HACD2: variants seen among roughly 807,000 people sequenced by gnomAD.
HACD2 encodes 3-hydroxyacyl-CoA dehydratase 2, also known as very-long-chain (3R)-3-hydroxyacyl-CoA dehydratase 2.
HACD2 carries 15 observed loss-of-function variants against 31.0 expected under a neutral mutation model. The ratio of observed to expected loss-of-function variants is 0.48; its 90% CI spans 0.32 to 0.75. The LOEUF is 0.75. HACD2 is among the 30% of genes least tolerant of loss of function. The pLI, the probability that HACD2 is intolerant of heterozygous loss-of-function variation, is 0.03. For missense variants in HACD2, 283 were observed against 313.0 expected (o/e 0.90, Z 0.72); for synonymous variants, 115 against 122.2 (o/e 0.94, Z 0.39).
chr3:123,581,424 G>A (rs928879330), intron 2 of HACD2, among the ~76,000 whole-genome samples: 7 of 152,144 alleles, frequency 4.6e-5, no homozygotes, highest in Non-Finnish European at 1.0e-4. Flanking sequence ...AGTCTAAGTA[G>A]GGCCAACCAG....
At chr3:123,580,360 C>T (rs999156538) in intron 2 of HACD2, among the ~76,000 whole-genome samples, 4 of 152,058 alleles carry the variant, frequency 2.6e-5, no homozygotes, top group Non-Finnish European at 5.9e-5. Context: ...CCTGTGGTCC[C>T]AGCTACTTGG....
intron 4 of HACD2, among the ~76,000 whole-genome samples, chr3:123,505,194 T>C (rs1036559409): frequency 4.6e-5 from 7 of 152,226 alleles, no homozygotes; most frequent in Non-Finnish European, 8.8e-5. Flanking sequence ...TCTACTCATA[T>C]GTGGTACCTA....
At chr3:123,500,397 T>C (rs1576726276) in intron 6 of HACD2, 118 bp downstream of exon 6, 1 of 699,630 alleles carries the variant, frequency 1.4e-6, no homozygotes, top group South Asian at 2.4e-5. Context: ...AACCAAGAAT[T>C]CCCAATAAAT....
intron 3 of HACD2, among the ~76,000 whole-genome samples, chr3:123,543,371 C>T (rs779081842): frequency 5.9e-5 from 9 of 151,842 alleles, no homozygotes; most frequent in Non-Finnish European, 1.0e-4. Context: ...TAGAGGATTC[C>T]GGGAAACCAA....
chr3:123,512,593 G>T (rs2056077493), intron 4 of HACD2, among the ~76,000 whole-genome samples: 1 of 152,106 alleles, frequency 6.6e-6, no homozygotes. Context: ...TGGAAGAGAT[G>T]GCCAGTGTGG....
intron 4 of HACD2, among the ~76,000 whole-genome samples, chr3:123,514,257 C>A (rs1179696389): frequency 6.6e-6 from 1 of 151,944 alleles, no homozygotes; most frequent in African/African-American, 2.4e-5. Context: ...CCTGGGGCAC[C>A]AGAGTGAGAC....
At chr3:123,552,154 C>T (rs2056626482) in intron 3 of HACD2, among the ~76,000 whole-genome samples, 1 of 151,994 alleles carries the variant, frequency 6.6e-6, no homozygotes, top group African/African-American at 2.4e-5. Context: ...GACAGTCTAC[C>T]CTAATTATAA....
intron 3 of HACD2, among the ~76,000 whole-genome samples, chr3:123,530,917 GA>G (rs2056352905): frequency 6.6e-6 from 1 of 152,078 alleles, no homozygotes; most frequent in Non-Finnish European, 1.5e-5. Flanking sequence ...GCCCAGGCTG[GA>G]GTGCAATGGC....
At chr3:123,548,255 TGCA>T (rs1272125932) in intron 3 of HACD2, among the ~76,000 whole-genome samples, 8 of 152,182 alleles carry the variant, frequency 5.3e-5, no homozygotes, top group African/African-American at 1.9e-4. Context: ...TAAAATGCAC[TGCA>T]GCTTCCTCCT....
At chr3:123,522,180 G>T (rs2056224083) in intron 4 of HACD2, among the ~76,000 whole-genome samples, 1 of 151,940 alleles carries the variant, frequency 6.6e-6, no homozygotes, top group Non-Finnish European at 1.5e-5. Flanking sequence ...TTAGCTGAGT[G>T]TGGTGGTGTG....
At chr3:123,528,588 C>G (rs2056313610) in intron 3 of HACD2, 114 bp from the exon 4 acceptor site, 2 of 682,504 alleles carry the variant, frequency 2.9e-6, no homozygotes, top group Non-Finnish European at 5.2e-6. Flanking sequence ...TCTTGAGCAA[C>G]TGAAAGGTGT....
intron 3 of HACD2, among the ~76,000 whole-genome samples, chr3:123,533,221 T>C (rs1023934724): frequency 2.1e-5 from 3 of 143,298 alleles, no homozygotes; most frequent in African/African-American, 7.6e-5. Flanking sequence ...CAATCATGGC[T>C]CACTGCAGCC....
At chr3:123,525,379 G>A (rs2056267953) in intron 4 of HACD2, among the ~76,000 whole-genome samples, 1 of 152,144 alleles carries the variant, frequency 6.6e-6, no homozygotes. Flanking sequence ...TAGCTGATGG[G>A]TAGATCCTTA....
intron 5 of HACD2, among the ~76,000 whole-genome samples, chr3:123,501,998 G>T (rs2055908046): frequency 6.6e-6 from 1 of 152,156 alleles, no homozygotes; most frequent in Non-Finnish European, 1.5e-5. Context: ...ACTGTCTCAT[G>T]GACTCATTAA....
In HACD2 at chr3:123,492,777, T is replaced by C. The variant is rs1296508347; in HGVS notation, c.*2111A>G. The C allele has an allele frequency of 6.6e-6, 1 of 152,176 alleles. No individual in the cohort carries two copies. The highest frequency in any genetic ancestry group is 1.5e-5 in the Non-Finnish European group (1 of 68,022). 9.4% of individuals were successfully genotyped at this position (152,176 alleles called of 1,614,324 possible). On this transcript the variant is annotated 3_prime_UTR_variant, in exon 7 of 7. Coordinates refer to ENST00000383657, the MANE Select transcript of HACD2 (RefSeq NM_198402.5). ...TTTCTAGAATTTTTCCAAAAACAAC[T>C]GAAAAAATCTAACAGAACAAAGTAA...
intron 6 of HACD2, among the ~76,000 whole-genome samples, chr3:123,496,947 T>C (rs2055840579): frequency 1.3e-5 from 2 of 152,206 alleles, no homozygotes; most frequent in Admixed American, 6.5e-5. Context: ...GACCTTCATT[T>C]CCATGGGCAG....
intron 3 of HACD2, among the ~76,000 whole-genome samples, chr3:123,535,174 T>C (rs1453406527): frequency 1.3e-5 from 2 of 152,232 alleles, no homozygotes; most frequent in Non-Finnish European, 2.9e-5. Context: ...GCTCCATTCA[T>C]GGTAAGTGCC....
In HACD2 at chr3:123,493,177, ACC is replaced by A. The variant is rs2055785298; in HGVS notation, c.*1709_*1710del. 6.6e-6 allele frequency: 1 copy of A among 152,098 alleles called. No homozygotes were observed. Among genetic ancestry groups the A allele is most frequent in the Admixed American group, 6.6e-5 (1 of 15,264 alleles). 9.4% of individuals were successfully genotyped at this position (152,098 alleles called of 1,614,324 possible). Reference sequence around the variant, plus strand: ...AGACCATCCTGGCTAACACGGTGAAACCCCGTCTCTACTAAAAATACAAAAAA... The same window carrying A: ...AGACCATCCTGGCTAACACGGTGAAACCGTCTCTACTAAAAATACAAAAAA... On this transcript the variant is annotated 3_prime_UTR_variant, in exon 7 of 7. Coordinates refer to ENST00000383657, the MANE Select transcript of HACD2 (RefSeq NM_198402.5).
At chr3:123,575,232 C>A (rs771429145) in intron 2 of HACD2, among the ~76,000 whole-genome samples, 8 of 151,960 alleles carry the variant, frequency 5.3e-5, no homozygotes, top group Non-Finnish European at 1.0e-4. Flanking sequence ...GCCTTAGCCT[C>A]CCGAGTAGCT....
Sources: allele counts gnomAD v4.1 joint callset (sites outside exome capture counted in the v4.1 genomes callset), GRCh38; gene constraint gnomAD v4.1.1; transcripts MANE v1.5; gene names NCBI Gene and HGNC (gene_info 2026-07-23, HGNC 2026-07-21).